ZFYVE26: variants seen among roughly 807,000 people sequenced by gnomAD.
ZFYVE26 encodes the protein zinc finger FYVE-type containing 26.
Under a neutral mutation model 276.5 loss-of-function variants are expected in ZFYVE26, and 181 were observed. The observed-to-expected ratio is 0.65, with a 90% CI of 0.58 to 0.74. The LOEUF (loss-of-function observed/expected upper bound fraction) is 0.74. Among genes scored for constraint, ZFYVE26 ranks in the 30% least tolerant of loss-of-function variants. The pLI is 0.00. For missense variants in ZFYVE26, 2,821 were observed against 3,097.9 expected (o/e 0.91, Z 2.12); for synonymous variants, 1,129 against 1,203.1 (o/e 0.94, Z 1.27).
Position 67,804,225 on chromosome 14 carries a change from G to A in ZFYVE26, c.1311C>T (p.His437=), listed in dbSNP as rs148836697. ...AGAGCACTGAGTGGCTGTCTCCACC[G>A]TGTAAATGATACAACAGATCTCTCT... The part of the protein sequence containing the change: ...IPKRDLLYHL[H]GGDSHSVLYT... The change falls in exon 9 of 42, where the codon CAC becomes CAT. Residue 437 remains histidine (H), a synonymous_variant. Transcript: ENST00000347230. 94 of 1,613,892 alleles carry A rather than the reference G, an allele frequency of 5.8e-5. 1 individual carries two copies. The highest frequency in any genetic ancestry group is 7.8e-5 in the Non-Finnish European group (92 of 1,179,978).
Position 67,807,773 on chromosome 14 carries a change from G to T in ZFYVE26, c.511C>A (p.Leu171Met). Residue 171 changes from leucine to methionine, a missense_variant, in exon 5 of 42, where the codon CTG becomes ATG. By Grantham distance (15) the Leu-to-Met change is conservative. Coordinates refer to ENST00000347230, the MANE Select transcript of ZFYVE26 (RefSeq NM_015346.4). ...TCCTCCTCAAGCAGGAGCTCCAGCA[G>T]GGCCTGTGCTGGCTGGGGAGACTGC... Reference protein sequence around the residue: ...LRQSPQPAQALLELLLEEDDG... With the variant: ...LRQSPQPAQAMLELLLEEDDG... The T allele has an allele frequency of 6.2e-7, 1 of 1,614,242 alleles. No individual in the cohort carries two copies.
In ZFYVE26 at chr14:67,782,766, A is replaced by G. The variant is rs1443610224; in HGVS notation, c.4372+14T>C. On this transcript the variant is annotated intron_variant, in intron 21 of 41. Coordinates refer to ENST00000347230, the MANE Select transcript of ZFYVE26 (RefSeq NM_015346.4). Reference sequence around the variant, plus strand: ...TACCACTAGTGAAAAAGGGAGGCATAGCATTCTGCTCACCACATGCCACAG... The same window carrying G: ...TACCACTAGTGAAAAAGGGAGGCATGGCATTCTGCTCACCACATGCCACAG... 6.2e-7 allele frequency: 1 copy of G among 1,613,968 alleles called. No individual in the cohort carries two copies. Among genetic ancestry groups the G allele is most frequent in the African/African-American group, 1.3e-5 (1 of 74,940 alleles).
chr14:67,775,345 G>A (rs913361300), intron 26 of ZFYVE26, among the ~76,000 whole-genome samples: 2 of 152,188 alleles, frequency 1.3e-5, no homozygotes, highest in Admixed American at 6.5e-5. Context: ...TGGACACTAG[G>A]ATTCTACAAA....
At chr14:67,751,176 C>G (rs2038631819) in intron 40 of ZFYVE26, 80 bp from the exon 41 acceptor site, 1 of 1,521,238 alleles carries the variant, frequency 6.6e-7, no homozygotes, top group African/African-American at 1.4e-5. Context: ...AGCCTCAGCC[C>G]AGCCATTCTG....
intron 2 of ZFYVE26, among the ~76,000 whole-genome samples, chr14:67,814,382 G>T (rs561922950): frequency 6.6e-6 from 1 of 152,238 alleles, no homozygotes; most frequent in East Asian, 1.9e-4. Context: ...AGCCAAGTGC[G>T]GTGGCAGGCG....
chr14:67,785,406 T>A, intron 18 of ZFYVE26, 129 bp from the exon 19 acceptor site: 2 of 831,042 alleles, frequency 2.4e-6, no homozygotes, highest in Non-Finnish European at 3.9e-6. Flanking sequence ...GCCTGGACAC[T>A]ACACTTACAA....
chr14:67,797,809 C>T, intron 11 of ZFYVE26, 54 bp from the exon 12 acceptor site: 2 of 1,606,810 alleles, frequency 1.2e-6, no homozygotes, highest in African/African-American at 1.3e-5. Flanking sequence ...TTTGATTTGG[C>T]CCTTTCTTGG....
At chr14:67,808,929 A>T (rs1029139227) in intron 4 of ZFYVE26, among the ~76,000 whole-genome samples, 4 of 152,224 alleles carry the variant, frequency 2.6e-5, no homozygotes, top group Non-Finnish European at 5.9e-5. Context: ...AACGAATACT[A>T]GTTCCTTGTC....
rs747435986 is a variant in ZFYVE26, at chr14:67,783,247, G to A, written c.3905C>T (p.Ser1302Phe). 11 of 1,613,962 alleles carry A rather than the reference G, an allele frequency of 6.8e-6. No homozygotes were observed. The highest frequency in any genetic ancestry group is 9.3e-6 in the Non-Finnish European group (11 of 1,179,946). The change falls in exon 21 of 42, where the codon TCC becomes TTC. Residue 1302 changes from serine (S) to phenylalanine (F), a missense_variant. Transcript: ENST00000347230. ...TGACTTAAGAAAGGCCAAGGCAGAG[G>A]AGGTGAGGGCTGGGAGTGATGAGTC... ...PRDSSLPALT[S>F]SALAFLKSRS...
chr14:67,802,089 G>A lies in ZFYVE26; in HGVS notation c.1629C>T (p.Leu543=). Reference sequence around the variant, plus strand: ...AGGGAAGTGCTGTACCTGGGGAGGAGAGAGAGTCATTCGCTGGCTCTGTAG... The same window carrying A: ...AGGGAAGTGCTGTACCTGGGGAGGAAAGAGAGTCATTCGCTGGCTCTGTAG... ...ASATEPANDS[L]SSPGAANLFS... Residue 543 remains leucine (L), a synonymous_variant, in exon 10 of 42, where the codon CTC becomes CTT. Coordinates refer to ENST00000347230, the MANE Select transcript of ZFYVE26 (RefSeq NM_015346.4). 6.2e-7 allele frequency: 1 copy of A among 1,612,948 alleles called. No homozygotes were observed. The highest frequency in any genetic ancestry group is 1.3e-5 in the African/African-American group (1 of 75,014).
intron 14 of ZFYVE26, among the ~76,000 whole-genome samples, chr14:67,791,452 G>C (rs2039810759): frequency 6.6e-6 from 1 of 152,024 alleles, no homozygotes; most frequent in African/African-American, 2.4e-5. Context: ...ATGATATAAA[G>C]TTTTAGATTT....
rs149524358 is a variant in ZFYVE26 at position 67,769,745 on chromosome 14, C to A, written c.5485-15G>T. ...CGCCTGTTAAACTGAGGAATGCCAT[C>A]AGGAGGAGAAGAAAGAGGGAGGAGA... On this transcript the variant is annotated splice_polypyrimidine_tract_variant and intron_variant, in intron 28 of 41. Transcript: ENST00000347230. The A allele has an allele frequency of 1.9e-6, 3 of 1,613,940 alleles. No homozygotes were observed. The South Asian group carries it at 3.3e-5, about 18-fold the overall frequency.
At chr14:67,754,389 C>T (rs1221279238) in intron 37 of ZFYVE26, among the ~76,000 whole-genome samples, 177 bp from the exon 38 acceptor site, 1 of 152,198 alleles carries the variant, frequency 6.6e-6, no homozygotes, top group African/African-American at 2.4e-5. Context: ...ATGGTGATCT[C>T]GTGTCCTGCA....
chr14:67,756,308 G>C (rs1372311454), intron 35 of ZFYVE26, 163 bp from the exon 36 acceptor site: 2 of 783,496 alleles, frequency 2.6e-6, no homozygotes, highest in Non-Finnish European at 2.2e-6. Context: ...TCTCATTCTA[G>C]CGACTGCTTC....
chr14:67,772,336 A>T, intron 27 of ZFYVE26, 126 bp from the exon 28 acceptor site: 1 of 1,106,568 alleles, frequency 9.0e-7, no homozygotes, highest in African/African-American at 1.6e-5. Flanking sequence ...GTTAATGATC[A>T]TCAGTGACTG....
chr14:67,805,531 G>C lies in ZFYVE26; in HGVS notation c.1105C>G (p.Leu369Val), dbSNP rs756391106. Reference sequence around the variant, plus strand: ...CAGTGTGTCCAGCCCAGGAGTACAAGCAGGCAACTGAGGGGCCTGAATTCT... The same window carrying C: ...CAGTGTGTCCAGCCCAGGAGTACAACCAGGCAACTGAGGGGCCTGAATTCT... ...DREFRPLSCL[L>V]VLLGWTHCQS... Residue 369 changes from leucine to valine, a missense_variant, in exon 7 of 42, where the codon CTT becomes GTT. Physicochemically the swap from Leu to Val is conservative, Grantham distance 32 (BLOSUM62 1). Transcript: ENST00000347230. 2 of 1,614,218 alleles carry C rather than the reference G, an allele frequency of 1.2e-6. No individual in the cohort carries two copies.
At chr14:67,730,237 A>G (rs1455748848) in intron 13 of ZFYVE26, among the ~76,000 whole-genome samples, 1 of 152,206 alleles carries the variant, frequency 6.6e-6, no homozygotes, top group African/African-American at 2.4e-5. Flanking sequence ...ATAGCTTATA[A>G]GTGGTAGATC....
downstream of ZFYVE26, among the ~76,000 whole-genome samples, chr14:67,745,929 C>CAAA (rs61448179): frequency 2.3e-4 from 13 of 57,524 alleles, no homozygotes; most frequent in African/African-American, 4.5e-4. Context: ...GACCCTGTCT[C>CAAA]AAAAAAAAAA....
At chr14:67,799,299 G>A in intron 10 of ZFYVE26, 1 of 1,613,520 alleles carries the variant, frequency 6.2e-7, no homozygotes, top group Non-Finnish European at 8.5e-7. Context: ...GAGGAACCCA[G>A]GATAAGGAAT....
Sources: allele counts gnomAD v4.1 joint callset (sites outside exome capture counted in the v4.1 genomes callset), GRCh38; gene constraint gnomAD v4.1.1; transcripts MANE v1.5; gene names NCBI Gene and HGNC (gene_info 2026-07-23, HGNC 2026-07-21).